The following NRG1 variants were observed in gnomAD, a reference collection of about 807,000 sequenced individuals.
NRG1 encodes pro-neuregulin-1, membrane-bound isoform.
A neutral mutation model predicts 63.8 loss-of-function variants in NRG1; 18 were observed. The ratio of observed to expected loss-of-function variants is 0.28; its 90% confidence interval spans 0.19 to 0.42. The LOEUF (loss-of-function observed/expected upper bound fraction) is 0.42, where lower values mean the gene tolerates loss of function less well. Among genes scored for constraint, NRG1 ranks in the 10% least tolerant of loss-of-function variants. NRG1 has a pLI of 1.00. For missense variants in NRG1, 762 were observed against 814.7 expected (o/e 0.94, Z 0.79); for synonymous variants, 302 against 301.3 (o/e 1.00, Z -0.02).
intron 1 of NRG1, among the ~76,000 whole-genome samples, chr8:31,701,780 A>G (rs150912810): frequency 4.6e-4 from 70 of 152,280 alleles, no homozygotes; most frequent in African/African-American, 1.5e-3. Context: ...TCAATACAAA[A>G]CAACCATTTA....
chr8:32,052,468 A>G (rs1822149820), intron 1 of NRG1, among the ~76,000 whole-genome samples: 1 of 151,724 alleles, frequency 6.6e-6, no homozygotes, highest in Admixed American at 6.6e-5. Context: ...TTTTTTAAAG[A>G]CAGGGGTCTC....
intron 1 of NRG1, among the ~76,000 whole-genome samples, chr8:31,834,298 C>CGT (rs1825466476): frequency 9.2e-5 from 2 of 21,820 alleles, no homozygotes; most frequent in African/African-American, 1.8e-4. Flanking sequence ...TGCGTGTGCG[C>CGT]GCACGCGCGC....
intron 1 of NRG1, among the ~76,000 whole-genome samples, chr8:32,028,903 T>G (rs1040463689): frequency 6.6e-6 from 1 of 152,158 alleles, no homozygotes; most frequent in Non-Finnish European, 1.5e-5. Context: ...GATGAAAAAG[T>G]TTTTTAGTAA....
At chr8:32,122,245 A>G (rs1833539931) in intron 1 of NRG1, among the ~76,000 whole-genome samples, 1 of 151,946 alleles carries the variant, frequency 6.6e-6, no homozygotes, top group South Asian at 2.1e-4. Flanking sequence ...CTCAAAGCAC[A>G]TTGTCTGCTC....
At chr8:31,941,464 A>G (rs1179388856) in intron 1 of NRG1, among the ~76,000 whole-genome samples, 1 of 152,132 alleles carries the variant, frequency 6.6e-6, no homozygotes, top group African/African-American at 2.4e-5. Context: ...AAAAGTGGAA[A>G]GCATTCCCAC....
chr8:32,602,662 A>G (rs1215242028), intron 2 of NRG1, among the ~76,000 whole-genome samples: 2 of 152,136 alleles, frequency 1.3e-5, no homozygotes, highest in Non-Finnish European at 2.9e-5. Flanking sequence ...GAAAATCAAG[A>G]TACTATGCCC....
intron 1 of NRG1, among the ~76,000 whole-genome samples, chr8:31,843,276 G>T (rs1292443905): frequency 6.6e-6 from 1 of 152,210 alleles, no homozygotes; most frequent in Admixed American, 6.5e-5. Flanking sequence ...AAGGGACAGG[G>T]TTGTGCTCTC....
At chr8:32,443,839 G>GAA (rs11390507) in intron 1 of NRG1, among the ~76,000 whole-genome samples, 26,972 of 151,750 alleles carry the variant, frequency 0.18, 2,587 homozygotes, top group Non-Finnish European at 0.2. Context: ...CTTAAAGAGA[G>GAA]AAAAAAAATG....
At chr8:32,339,941 A>T (rs1351879445) in intron 1 of NRG1, among the ~76,000 whole-genome samples, 1 of 152,134 alleles carries the variant, frequency 6.6e-6, no homozygotes, top group Non-Finnish European at 1.5e-5. Context: ...TTATCTAAAA[A>T]TCTGCTTGAT....
chr8:31,815,826 T>A (rs949902467), intron 1 of NRG1, among the ~76,000 whole-genome samples: 9 of 152,184 alleles, frequency 5.9e-5, no homozygotes, highest in African/African-American at 2.2e-4. Flanking sequence ...CCTAGTATTT[T>A]TTTTTCTGAG....
chr8:32,496,540 T>C (rs1044182202), intron 1 of NRG1, among the ~76,000 whole-genome samples: 5 of 152,054 alleles, frequency 3.3e-5, no homozygotes, highest in South Asian at 4.1e-4. Context: ...CGGTGAGCTA[T>C]GATTGAGCCA....
chr8:32,247,692 A>G (rs1586365274), intron 1 of NRG1, among the ~76,000 whole-genome samples: 1 of 152,256 alleles, frequency 6.6e-6, no homozygotes, highest in East Asian at 1.9e-4. Flanking sequence ...AAAGAGTGAA[A>G]AAGTAAGCAC....
intron 1 of NRG1, among the ~76,000 whole-genome samples, chr8:32,150,886 T>C (rs527558455): frequency 6.6e-6 from 1 of 152,226 alleles, no homozygotes; most frequent in Non-Finnish European, 1.5e-5. Context: ...ACCCAAGTTA[T>C]AAATTTTTAG....
At chr8:32,117,984 A>G (rs955280309) in intron 1 of NRG1, among the ~76,000 whole-genome samples, 2 of 152,088 alleles carry the variant, frequency 1.3e-5, no homozygotes, top group Non-Finnish European at 2.9e-5. Flanking sequence ...TTTACTTTTA[A>G]TTCAGTATTT....
intron 1 of NRG1, among the ~76,000 whole-genome samples, chr8:32,362,614 T>A (rs1354224641): frequency 2.0e-5 from 3 of 152,232 alleles, no homozygotes; most frequent in Non-Finnish European, 4.4e-5. Flanking sequence ...AATCACAATC[T>A]TGTAAGTTTC....
At chr8:32,373,169 A>G (rs894039413) in intron 1 of NRG1, among the ~76,000 whole-genome samples, 1 of 152,278 alleles carries the variant, frequency 6.6e-6, no homozygotes, top group East Asian at 1.9e-4. Context: ...GAAAAACAAA[A>G]CAGTGAAAAC....
chr8:31,670,622 G>A (rs1025339587), intron 1 of NRG1, among the ~76,000 whole-genome samples: 3 of 151,588 alleles, frequency 2.0e-5, no homozygotes, highest in Non-Finnish European at 2.9e-5. Flanking sequence ...TCAGAGAAAG[G>A]GATCATAAGT....
At chr8:31,969,962 T>C (rs1807015569) in intron 1 of NRG1, among the ~76,000 whole-genome samples, 1 of 152,158 alleles carries the variant, frequency 6.6e-6, no homozygotes, top group Non-Finnish European at 1.5e-5. Context: ...TTTCTATAAG[T>C]TGTGAGACCA....
rs188650795 is a variant in NRG1, at chr8:32,101,703, T to C, written c.37+462272T>C. Among the ~76,000 whole-genome samples, 14 of 152,244 alleles carry C rather than the reference T, an allele frequency of 9.2e-5. 1 individual carries two copies. The highest frequency in any genetic ancestry group is 9.2e-4 in the Admixed American group (14 of 15,290). On this transcript the variant is annotated intron_variant, in intron 1 of 10. Transcript: ENST00000519301. ...TATGTCTAAAGAAATAGCACGCTAG[T>C]TGCGTTTAATGTGGAAGGTAAATTA...
Sources: allele counts gnomAD v4.1 joint callset (sites outside exome capture counted in the v4.1 genomes callset), GRCh38; gene constraint gnomAD v4.1.1; transcripts MANE v1.5; gene names NCBI Gene and HGNC (gene_info 2026-07-23, HGNC 2026-07-21).